Variants in FBXW8 observed in about 807,000 individuals in gnomAD.
FBXW8 encodes the protein F-box and WD repeat domain containing 8.
FBXW8 carries 57 observed loss-of-function variants against 65.3 expected under a neutral mutation model. The observed-to-expected ratio is 0.87, with a 90% CI of 0.71 to 1.09. The LOEUF (loss-of-function observed/expected upper bound fraction) is 1.09. Ranked by LOEUF, FBXW8 falls within the 50% of genes least tolerant of loss-of-function variation. FBXW8 has a pLI of 0.00. For synonymous variants in FBXW8, 308 were observed against 330.2 expected (o/e 0.93, Z 0.73); for missense variants, 777 against 814.8 (o/e 0.95, Z 0.57).
rs552916062 is a variant in FBXW8 at position 117,021,676 on chromosome 12, G to A, written c.1368-2471G>A. Among the ~76,000 whole-genome samples, 50 of 152,216 alleles carry A rather than the reference G, an allele frequency of 3.3e-4. 1 individual carries two copies. The South Asian group carries it at 0.01, about 31-fold the overall frequency. ...GATTTTAGCATATAAATTTATATTT[G>A]ACTCTGTGTTACTGAATTCTCTGGG... is the stretch of plus-strand genomic sequence containing the variant. On this transcript the variant is annotated intron_variant, in intron 8 of 10. Transcript: ENST00000652555.
At chr12:116,927,927 A>T in intron 1 of FBXW8, 96 bp from the exon 2 acceptor site, 1 of 702,172 alleles carries the variant, frequency 1.4e-6, no homozygotes, top group Non-Finnish European at 2.4e-6. Context: ...TCTTGTTACC[A>T]CCTAAGAATA....
chr12:116,976,430 T>G (rs1219892694), intron 5 of FBXW8, among the ~76,000 whole-genome samples: 3 of 148,612 alleles, frequency 2.0e-5, no homozygotes, highest in African/African-American at 4.9e-5. Context: ...TAATCTTTGG[T>G]ATTTTGTTTC....
rs138590080 is a variant in FBXW8 at position 117,014,704 on chromosome 12, CTATGCTGTT to C, written c.1367+4256_1367+4264del. On this transcript the variant is annotated intron_variant, in intron 8 of 10. Transcript: ENST00000652555. ...TTTGCTTTCCAAAGCTGTTCAATTT[CTATGCTGTT>C]TTTGGTCTGCGCATGTGCCACATGG... 4.0e-3 allele frequency among the ~76,000 whole-genome samples: 602 copies of C among 152,312 alleles called. 2 individuals are homozygous for C. Among genetic ancestry groups the C allele is most frequent in the African/African-American group, 0.013 (520 of 41,576 alleles).
At chr12:116,919,164 C>T (rs771949025) in intron 1 of FBXW8, among the ~76,000 whole-genome samples, 6 of 152,194 alleles carry the variant, frequency 3.9e-5, no homozygotes, top group African/African-American at 9.6e-5. Context: ...ACTGTGTTTT[C>T]TGTTCATCCA....
chr12:116,975,017 A>G (rs954006283), intron 5 of FBXW8, among the ~76,000 whole-genome samples: 1 of 152,268 alleles, frequency 6.6e-6, no homozygotes, highest in Non-Finnish European at 1.5e-5. Flanking sequence ...GTGATGGACT[A>G]TAACCTATGG....
chr12:116,989,887 T>G (rs1357200509), intron 7 of FBXW8, among the ~76,000 whole-genome samples: 4 of 152,210 alleles, frequency 2.6e-5, no homozygotes, highest in African/African-American at 9.6e-5. Flanking sequence ...TGCCTGCTTC[T>G]TAGAGTTGTA....
intron 7 of FBXW8, among the ~76,000 whole-genome samples, chr12:116,994,037 A>G (rs1028868198): frequency 3.3e-5 from 5 of 152,204 alleles, no homozygotes; most frequent in Admixed American, 2.0e-4. Flanking sequence ...TATGGAACCA[A>G]AAAGAGCCCA....
chr12:116,964,589 C>A, intron 4 of FBXW8, 108 bp from the exon 5 acceptor site: 1 of 1,352,470 alleles, frequency 7.4e-7, no homozygotes, highest in Non-Finnish European at 1.0e-6. Flanking sequence ...AGTGGCTCTA[C>A]ACCACCCGAT....
At chr12:116,911,482 A>C in intron 1 of FBXW8, 127 bp downstream of exon 1, 1 of 608,652 alleles carries the variant, frequency 1.6e-6, no homozygotes, top group Non-Finnish European at 2.4e-6. Flanking sequence ...AGACGCACAA[A>C]CACCAATGTT....
intron 2 of FBXW8, 102 bp downstream of exon 2, chr12:116,928,229 G>C: frequency 2.5e-6 from 2 of 795,940 alleles, no homozygotes. Flanking sequence ...TATAAACTTT[G>C]CAGAATTAAT....
intron 4 of FBXW8, among the ~76,000 whole-genome samples, chr12:116,956,137 T>C (rs999575541): frequency 5.3e-4 from 81 of 152,170 alleles, no homozygotes; most frequent in African/African-American, 1.9e-3. Context: ...CCAAGCAACC[T>C]GTTTGTGTTG....
At chr12:116,937,719 T>A (rs1882262775) in intron 2 of FBXW8, among the ~76,000 whole-genome samples, 1 of 149,848 alleles carries the variant, frequency 6.7e-6, no homozygotes, top group Non-Finnish European at 1.5e-5. Flanking sequence ...GAGAGCTGTC[T>A]CTATGTGGTG....
chr12:116,964,123 C>T (rs938239147), intron 4 of FBXW8, among the ~76,000 whole-genome samples: 1 of 152,186 alleles, frequency 6.6e-6, no homozygotes, highest in African/African-American at 2.4e-5. Context: ...GCGCATTCAG[C>T]AAGAGCTTTT....
intron 2 of FBXW8, among the ~76,000 whole-genome samples, chr12:116,931,990 C>T (rs1160644359): frequency 2.0e-5 from 3 of 151,700 alleles, no homozygotes; most frequent in Non-Finnish European, 4.4e-5. Context: ...TCACATGTGG[C>T]CTTTATTGTG....
At chr12:117,021,743 C>T (rs1042724595) in intron 8 of FBXW8, among the ~76,000 whole-genome samples, 3 of 151,254 alleles carry the variant, frequency 2.0e-5, no homozygotes, top group Non-Finnish European at 2.9e-5. Context: ...CACTTCTTTC[C>T]GATTTTTTTT....
chr12:116,949,438 G>A (rs1883127487), intron 3 of FBXW8, 180 bp from the exon 4 acceptor site: 3 of 622,044 alleles, frequency 4.8e-6, no homozygotes, highest in Non-Finnish European at 5.8e-6. Flanking sequence ...ACTCGCCCAT[G>A]CTTAACAGCT....
intron 1 of FBXW8, among the ~76,000 whole-genome samples, chr12:116,918,855 G>A (rs1472414470): frequency 2.6e-5 from 4 of 152,104 alleles, no homozygotes; most frequent in Non-Finnish European, 5.9e-5. Flanking sequence ...GGTGTGTGAC[G>A]CAGCACTAAC....
intron 7 of FBXW8, among the ~76,000 whole-genome samples, chr12:117,005,995 C>T (rs1027395690): frequency 3.3e-5 from 5 of 152,176 alleles, no homozygotes; most frequent in African/African-American, 4.8e-5. Context: ...TTTTAAATGG[C>T]GGCCAACAAA....
At chr12:117,026,916 C>T (rs1954246087) in intron 9 of FBXW8, among the ~76,000 whole-genome samples, 1 of 152,216 alleles carries the variant, frequency 6.6e-6, no homozygotes, top group Non-Finnish European at 1.5e-5. Context: ...CGTGCTTTCA[C>T]CACCCAGGGT....
Sources: allele counts gnomAD v4.1 joint callset (sites outside exome capture counted in the v4.1 genomes callset), GRCh38; gene constraint gnomAD v4.1.1; transcripts MANE v1.5; gene names NCBI Gene and HGNC (gene_info 2026-07-23, HGNC 2026-07-21).